Variants in CBL observed in about 807,000 individuals in gnomAD.
CBL encodes the protein E3 ubiquitin-protein ligase CBL.
Under a neutral mutation model 96.9 loss-of-function variants are expected in CBL, and 45 were observed. The ratio of observed to expected loss-of-function variants is 0.46; its 90% CI spans 0.37 to 0.60. CBL has a LOEUF of 0.60. CBL is among the 20% of genes least tolerant of loss of function. The pLI is 0.00. For synonymous variants in CBL, 420 were observed against 426.8 expected (o/e 0.98, Z 0.20); for missense variants, 1,024 against 1,143.5 (o/e 0.90, Z 1.51).
In CBL at chr11:119,274,956, C is replaced by G. The variant is rs1949876986; in HGVS notation, c.869+3C>G. 6.2e-7 allele frequency: 1 copy of G among 1,613,408 alleles called. No individual in the cohort carries two copies. Among genetic ancestry groups the G allele is most frequent in the Non-Finnish European group, 8.5e-7 (1 of 1,179,836 alleles). ...AAATTCATTCACAAACCTGGCAGGT[C>G]AGTTCAATGACGCAAAGAGATTTAT... On this transcript the variant is annotated splice_donor_region_variant and intron_variant, in intron 5 of 15. Transcript: ENST00000264033.
intron 1 of CBL, among the ~76,000 whole-genome samples, chr11:119,214,838 G>A (rs1248322308): frequency 6.9e-6 from 1 of 145,572 alleles, no homozygotes; most frequent in African/African-American, 2.6e-5. Context: ...CCAAGGCTTT[G>A]TCTTAACACA....
intron 1 of CBL, among the ~76,000 whole-genome samples, chr11:119,208,537 G>A (rs1203807301): frequency 2.6e-5 from 4 of 151,760 alleles, no homozygotes; most frequent in African/African-American, 7.3e-5. Context: ...TTACAGGTGC[G>A]CGCCACCACG....
rs529615876 is a variant in CBL, at chr11:119,243,537, G to C, written c.443+10842G>C. On this transcript the variant is annotated intron_variant, in intron 2 of 15. Transcript: ENST00000264033. ...AAAATTTTTTTTTTTTTTTTTTGCT[G>C]ATGAAGAGTAACGATATGACAATAT... 4.9e-5 allele frequency among the ~76,000 whole-genome samples: 7 copies of C among 143,226 alleles called. No individual in the cohort carries two copies. The South Asian group carries it at 1.5e-3, about 31-fold the overall frequency. 94.0% of individuals were successfully genotyped at this position (143,226 alleles called of 152,430 possible).
chr11:119,298,308 TAGA>T (rs1950077192), intron 14 of CBL, 47 bp from the exon 15 acceptor site: 2 of 1,502,656 alleles, frequency 1.3e-6, no homozygotes, highest in African/African-American at 2.7e-5. Flanking sequence ...TGAAATGTAT[TAGA>T]AGATGAAGTG....
chr11:119,247,742 G>A (rs943570208), intron 2 of CBL, among the ~76,000 whole-genome samples: 1 of 152,178 alleles, frequency 6.6e-6, no homozygotes, highest in Non-Finnish European at 1.5e-5. Context: ...AACCCGGCAG[G>A]CAGGGGTTGC....
At chr11:119,243,833 A>G (rs1392253246) in intron 2 of CBL, among the ~76,000 whole-genome samples, 2 of 152,024 alleles carry the variant, frequency 1.3e-5, no homozygotes, top group East Asian at 1.9e-4. Flanking sequence ...GGTTCGAGCA[A>G]TTCTCTTGCC....
chr11:119,250,334 C>T (rs926672538), intron 2 of CBL, among the ~76,000 whole-genome samples: 36 of 152,096 alleles, frequency 2.4e-4, no homozygotes, highest in African/African-American at 8.2e-4. Flanking sequence ...TGGTTCTTTC[C>T]CTAGCTTCAG....
At chr11:119,289,141 ATGTG>A (rs1360574101) in intron 12 of CBL, among the ~76,000 whole-genome samples, 1 of 152,164 alleles carries the variant, frequency 6.6e-6, no homozygotes, top group Non-Finnish European at 1.5e-5. Flanking sequence ...GTTCCTAAGA[ATGTG>A]TATTTTGCAG....
Position 119,308,121 on chromosome 11 carries a change from TTAAA to T in CBL, c.*8345_*8348del, listed in dbSNP as rs1950165380. On this transcript the variant is annotated 3_prime_UTR_variant, in exon 16 of 16. Transcript: ENST00000264033. ...CACCCATGTCTGTAAAAAAATATTTTTAAATAAAGTTTCTTTTGTTGTAGCAGAC... is the reference window on the plus strand; with the variant it reads ...CACCCATGTCTGTAAAAAAATATTTTTAAAGTTTCTTTTGTTGTAGCAGAC... 1 of 171,012 alleles carries T rather than the reference TTAAA, an allele frequency of 5.8e-6. No individual in the cohort carries two copies. Among genetic ancestry groups the T allele is most frequent in the African/African-American group, 2.4e-5 (1 of 42,068 alleles). The allele number at this position is 171,012 out of a possible 1,614,324, so 10.6% of individuals were successfully genotyped here. A position where few individuals can be genotyped will look rare whatever the true frequency, so the allele number is the denominator to read the frequency against.
chr11:119,212,012 C>G (rs1949322812), intron 1 of CBL, among the ~76,000 whole-genome samples: 1 of 152,060 alleles, frequency 6.6e-6, no homozygotes, highest in Admixed American at 6.5e-5. Context: ...CCCTGCCTCC[C>G]AGGTTCAAGT....
At chr11:119,279,083 T>G (rs1949913051) in intron 9 of CBL, among the ~76,000 whole-genome samples, 1 of 152,196 alleles carries the variant, frequency 6.6e-6, no homozygotes, top group Non-Finnish European at 1.5e-5. Flanking sequence ...GGACTAAGAC[T>G]TTATTCATAT....
chr11:119,216,369 TTTATTTATTTATTTA>T (rs1949360317), intron 1 of CBL, among the ~76,000 whole-genome samples: 1 of 151,116 alleles, frequency 6.6e-6, no homozygotes, highest in Non-Finnish European at 1.5e-5. Context: ...TATTTATTTA[TTTATTTATTTATTTA>T]TTTTTTGAGA....
chr11:119,222,170 T>TA (rs5795170), intron 1 of CBL, among the ~76,000 whole-genome samples: 152,305 of 152,310 alleles, frequency 1, 76,150 homozygotes, highest in Middle Eastern at 1. Flanking sequence ...TCTTTAGAGA[T>TA]AAAAATATTT....
intron 2 of CBL, among the ~76,000 whole-genome samples, chr11:119,240,630 T>G (rs577549435): frequency 6.6e-6 from 1 of 152,330 alleles, no homozygotes; most frequent in Admixed American, 6.5e-5. Context: ...GTACTGGGAT[T>G]AGTACAGCAG....
intron 15 of CBL, among the ~76,000 whole-genome samples, chr11:119,298,777 A>T (rs964056622): frequency 6.6e-6 from 1 of 152,218 alleles, no homozygotes; most frequent in African/African-American, 2.4e-5. Flanking sequence ...TGTTAGGGGT[A>T]GGTAGGATTT....
In CBL at chr11:119,306,143, G is replaced by A. The variant is rs886047805; in HGVS notation, c.*6362G>A. 7.6e-6 allele frequency: 3 copies of A among 397,176 alleles called. No homozygotes were observed. The highest frequency in any genetic ancestry group is 1.3e-5 in the Non-Finnish European group (3 of 225,600). 24.6% of individuals were successfully genotyped at this position (397,176 alleles called of 1,614,324 possible). A position where few individuals can be genotyped will look rare whatever the true frequency, so the allele number is the denominator to read the frequency against. On this transcript the variant is annotated 3_prime_UTR_variant, in exon 16 of 16. Transcript: ENST00000264033. ...AATAGGGATGGGGAGAGCAAGCCCCGCATGTCCATGGCGAGTCAGGTGGGG... is the reference window on the plus strand; with the variant it reads ...AATAGGGATGGGGAGAGCAAGCCCCACATGTCCATGGCGAGTCAGGTGGGG...
At chr11:119,207,195 T>C (rs1949277795) in intron 1 of CBL, among the ~76,000 whole-genome samples, 1 of 152,144 alleles carries the variant, frequency 6.6e-6, no homozygotes, top group South Asian at 2.1e-4. Flanking sequence ...GATGTTTAAG[T>C]GAGGCAAGGA....
chr11:119,270,850 G>A (rs989702304), intron 2 of CBL, among the ~76,000 whole-genome samples: 1 of 152,186 alleles, frequency 6.6e-6, no homozygotes, highest in African/African-American at 2.4e-5. Flanking sequence ...ATAGTGCTGG[G>A]ATTACAGGCG....
At chr11:119,210,016 G>A (rs1023500397) in intron 1 of CBL, among the ~76,000 whole-genome samples, 1 of 152,192 alleles carries the variant, frequency 6.6e-6, no homozygotes, top group Non-Finnish European at 1.5e-5. Flanking sequence ...GAAGTGGCTT[G>A]TAAGCCAAAA....
Sources: allele counts gnomAD v4.1 joint callset (sites outside exome capture counted in the v4.1 genomes callset), GRCh38; gene constraint gnomAD v4.1.1; transcripts MANE v1.5; gene names NCBI Gene and HGNC (gene_info 2026-07-23, HGNC 2026-07-21).